The following OLFM3 variants were observed in gnomAD, a reference collection of about 807,000 sequenced individuals.
OLFM3 encodes noelin-3.
A neutral mutation model predicts 48.6 loss-of-function variants in OLFM3; 20 were observed. The ratio of observed to expected loss-of-function variants is 0.41; its 90% CI spans 0.29 to 0.60. OLFM3 has a LOEUF of 0.60. OLFM3 is among the 20% of genes least tolerant of loss of function. The pLI is 0.28. For synonymous variants in OLFM3, 222 were observed against 198.1 expected (o/e 1.12, Z -1.01); for missense variants, 437 against 544.3 (o/e 0.80, Z 1.96).
chr1:101,972,054 T>C (rs1199129458), intron 1 of OLFM3, among the ~76,000 whole-genome samples: 2 of 152,130 alleles, frequency 1.3e-5, no homozygotes, highest in East Asian at 3.8e-4. Flanking sequence ...AAATCAGATC[T>C]TTTCACCTTT....
intron 1 of OLFM3, among the ~76,000 whole-genome samples, chr1:101,989,759 A>G (rs1237963355): frequency 6.6e-6 from 1 of 152,210 alleles, no homozygotes; most frequent in Non-Finnish European, 1.5e-5. Context: ...CTCTACTGAG[A>G]AGAGCAAGAA....
chr1:101,844,526 G>A (rs191907747), intron 1 of OLFM3, among the ~76,000 whole-genome samples: 2 of 152,288 alleles, frequency 1.3e-5, no homozygotes, highest in African/African-American at 4.8e-5. Context: ...CCAAATGGGG[G>A]AAATCTGATT....
chr1:101,891,438 A>G (rs1657993155), intron 1 of OLFM3, among the ~76,000 whole-genome samples: 1 of 151,936 alleles, frequency 6.6e-6, no homozygotes, highest in African/African-American at 2.4e-5. Flanking sequence ...ATTAAAATAA[A>G]AGCAATAAAA....
At chr1:101,845,246 C>T (rs1655938762) in intron 1 of OLFM3, among the ~76,000 whole-genome samples, 1 of 151,808 alleles carries the variant, frequency 6.6e-6, no homozygotes, top group East Asian at 1.9e-4. Context: ...AAAACATATA[C>T]AGACATACAG....
intron 1 of OLFM3, chr1:101,882,586 A>G (rs6577280): frequency 0.59 from 89,685 of 151,502 alleles, 27,183 homozygotes; most frequent in African/African-American, 0.7. Flanking sequence ...TGCTTTTTCT[A>G]CCGGGACAAC....
At chr1:101,909,002 G>A (rs181125639) in intron 1 of OLFM3, among the ~76,000 whole-genome samples, 1 of 152,336 alleles carries the variant, frequency 6.6e-6, no homozygotes, top group East Asian at 1.9e-4. Context: ...AGTAGTCACA[G>A]GAAGTGAACA....
intron 1 of OLFM3, among the ~76,000 whole-genome samples, chr1:101,874,366 C>T (rs1010254648): frequency 6.6e-6 from 1 of 151,816 alleles, no homozygotes; most frequent in Non-Finnish European, 1.5e-5. Flanking sequence ...ACAGCTAAAG[C>T]TATCCATGTC....
At chr1:101,953,506 A>T (rs1359623010) in intron 1 of OLFM3, among the ~76,000 whole-genome samples, 2 of 152,100 alleles carry the variant, frequency 1.3e-5, no homozygotes, top group Non-Finnish European at 2.9e-5. Context: ...TTTTCTCTTG[A>T]TATCTCTGCT....
intron 1 of OLFM3, chr1:101,846,921 A>T: frequency 6.2e-7 from 1 of 1,612,780 alleles, no homozygotes; most frequent in Non-Finnish European, 8.5e-7. Context: ...CCAGTTTGAG[A>T]TCATTGCCAT....
At chr1:101,864,609 A>G (rs1656786044) in intron 1 of OLFM3, among the ~76,000 whole-genome samples, 1 of 152,152 alleles carries the variant, frequency 6.6e-6, no homozygotes, top group Non-Finnish European at 1.5e-5. Context: ...TCTTGTTTAT[A>G]ATGCATGATT....
intron 1 of OLFM3, among the ~76,000 whole-genome samples, chr1:101,925,489 G>A (rs1392899021): frequency 6.6e-6 from 1 of 151,920 alleles, no homozygotes; most frequent in African/African-American, 2.4e-5. Context: ...GTGTGTGTGT[G>A]TGTGTCTGTA....
intron 1 of OLFM3, among the ~76,000 whole-genome samples, chr1:101,914,495 A>G (rs1658861525): frequency 6.6e-6 from 1 of 152,238 alleles, no homozygotes. Flanking sequence ...TTCAGAGCTT[A>G]ACCTGACTTA....
In OLFM3 at chr1:101,802,941, A is replaced by G. The variant is rs1169723349; in HGVS notation, c.*1297T>C. Reference sequence around the variant, plus strand: ...TTATATGTTTCATAGAGTTATTAACATAAGTATTATTAAAGCTCTTCCCTT... The same window carrying G: ...TTATATGTTTCATAGAGTTATTAACGTAAGTATTATTAAAGCTCTTCCCTT... On this transcript the variant is annotated 3_prime_UTR_variant, in exon 6 of 6. Transcript: ENST00000370103. 6.6e-6 allele frequency: 1 copy of G among 151,644 alleles called. No homozygotes were observed. Among genetic ancestry groups the G allele is most frequent in the Non-Finnish European group, 1.5e-5 (1 of 67,722 alleles). The allele number at this position is 151,644 out of a possible 1,614,324, so 9.4% of individuals were successfully genotyped here. A position where few individuals can be genotyped will look rare whatever the true frequency, so the allele number is the denominator to read the frequency against.
rs567910744 is a variant in OLFM3 at position 101,918,140 on chromosome 1, C to A, written c.69+78608G>T. ...TCATTTATTGAACAACCACTATAGG[C>A]AAGGTGCTGTGGAGATCTGTAAAAA... On this transcript the variant is annotated intron_variant, in intron 1 of 5. Coordinates refer to ENST00000370103, the MANE Select transcript of OLFM3 (RefSeq NM_058170.4). 4.6e-5 allele frequency among the ~76,000 whole-genome samples: 7 copies of A among 152,252 alleles called. No homozygotes were observed. In the South Asian group the frequency reaches 8.3e-4, roughly 18 times the overall value.
chr1:101,922,836 A>G (rs1307737043), intron 1 of OLFM3, among the ~76,000 whole-genome samples: 2 of 152,230 alleles, frequency 1.3e-5, no homozygotes, highest in African/African-American at 4.8e-5. Context: ...GAAAATGTGA[A>G]GAATATCTTG....
At chr1:101,862,961 C>T (rs1015041566) in intron 1 of OLFM3, among the ~76,000 whole-genome samples, 3 of 151,230 alleles carry the variant, frequency 2.0e-5, no homozygotes, top group African/African-American at 7.3e-5. Context: ...TGAATACCTT[C>T]AGTATTGGTA....
intron 4 of OLFM3, among the ~76,000 whole-genome samples, chr1:101,809,952 A>G (rs1653969133): frequency 6.6e-6 from 1 of 151,996 alleles, no homozygotes; most frequent in Admixed American, 6.6e-5. Context: ...CTAATTACAT[A>G]AAACTTCTTA....
intron 1 of OLFM3, among the ~76,000 whole-genome samples, chr1:101,839,446 G>A (rs557689078): frequency 4.7e-4 from 72 of 152,282 alleles, no homozygotes; most frequent in African/African-American, 1.6e-3. Context: ...AACAGTATGC[G>A]ATTGATGTAT....
intron 1 of OLFM3, among the ~76,000 whole-genome samples, chr1:101,864,263 T>TG (rs761179961): frequency 3.9e-4 from 60 of 152,234 alleles, no homozygotes; most frequent in Non-Finnish European, 5.7e-4. Context: ...TGATCATAGC[T>TG]GAAAGCAGCA....
Sources: allele counts gnomAD v4.1 joint callset (sites outside exome capture counted in the v4.1 genomes callset), GRCh38; gene constraint gnomAD v4.1.1; transcripts MANE v1.5; gene names NCBI Gene and HGNC (gene_info 2026-07-23, HGNC 2026-07-21).